The following PMFBP1 variants were observed in gnomAD, a reference collection of about 807,000 sequenced individuals.
PMFBP1 encodes the protein polyamine-modulated factor 1-binding protein 1.
A neutral mutation model predicts 137.8 loss-of-function variants in PMFBP1; 131 were observed. The observed-to-expected ratio is 0.95, with a 90% CI of 0.82 to 1.10. The LOEUF (loss-of-function observed/expected upper bound fraction) is 1.10. Among genes scored for constraint, PMFBP1 ranks in the 50% least tolerant of loss-of-function variants. The pLI is 0.00. For synonymous variants in PMFBP1, 490 were observed against 450.4 expected (o/e 1.09, Z -1.11); for missense variants, 1,199 against 1,175.4 (o/e 1.02, Z -0.29).
chr16:72,128,974 G>T, intron 13 of PMFBP1, 92 bp downstream of exon 13: 1 of 1,530,412 alleles, frequency 6.5e-7, no homozygotes, highest in East Asian at 2.2e-5. Flanking sequence ...TAAGCTCTGA[G>T]CATCCAGGGC....
the PMFBP1 span, among the ~76,000 whole-genome samples, chr16:72,197,369 CAAG>C: frequency 1.3e-5 from 2 of 152,184 alleles, no homozygotes; most frequent in Non-Finnish European, 2.9e-5. Context: ...CATGCATGGT[CAAG>C]AAATAATGCT....
intron 9 of PMFBP1, among the ~76,000 whole-genome samples, chr16:72,135,359 G>GTTTT (rs869071984): frequency 3.0e-4 from 39 of 131,414 alleles, no homozygotes; most frequent in Non-Finnish European, 5.8e-4. Flanking sequence ...GTGTGTGTGT[G>GTTTT]TTTTTTTTTT....
chr16:72,121,641 T>A (rs1356359162), intron 19 of PMFBP1, among the ~76,000 whole-genome samples: 2 of 152,216 alleles, frequency 1.3e-5, no homozygotes, highest in Admixed American at 1.3e-4. Flanking sequence ...CATCGTTTTT[T>A]AGAGACAGGG....
chr16:72,138,936 G>C (rs532523246), intron 7 of PMFBP1, among the ~76,000 whole-genome samples: 2 of 151,972 alleles, frequency 1.3e-5, no homozygotes, highest in Non-Finnish European at 2.9e-5. Context: ...AAAGCAGGGG[G>C]AATAAATTTG....
chr16:72,149,354 C>T (rs1160150365), intron 5 of PMFBP1, among the ~76,000 whole-genome samples: 1 of 152,098 alleles, frequency 6.6e-6, no homozygotes, highest in Non-Finnish European at 1.5e-5. Context: ...TTAGAAGTAT[C>T]TTTAAACAAT....
At chr16:72,149,843 C>T (rs1388482314) in intron 5 of PMFBP1, among the ~76,000 whole-genome samples, 2 of 152,092 alleles carry the variant, frequency 1.3e-5, no homozygotes, top group Non-Finnish European at 2.9e-5. Flanking sequence ...TTGATAACCA[C>T]TTAGGTAAAA....
intron 19 of PMFBP1, among the ~76,000 whole-genome samples, chr16:72,121,896 C>T (rs217174): frequency 1 from 152,343 of 152,346 alleles, 76,170 homozygotes; most frequent in Middle Eastern, 1. Flanking sequence ...TTCTTTTTCA[C>T]TTTTATTTTA....
chr16:72,162,691 A>AG (rs2043082423), intron 3 of PMFBP1, among the ~76,000 whole-genome samples: 1 of 152,250 alleles, frequency 6.6e-6, no homozygotes, highest in Non-Finnish European at 1.5e-5. Flanking sequence ...CTCGCTTTAA[A>AG]GCTTGTTTCA....
At chr16:72,125,549 G>T in intron 15 of PMFBP1, 144 bp from the exon 16 acceptor site, 1 of 952,488 alleles carries the variant, frequency 1.0e-6, no homozygotes, top group Non-Finnish European at 1.6e-6. Context: ...TCCCAGAGAG[G>T]GGTGGGAAAT....
chr16:72,219,398 G>T, the PMFBP1 span, among the ~76,000 whole-genome samples: 1 of 152,150 alleles, frequency 6.6e-6, no homozygotes, highest in African/African-American at 2.4e-5. Context: ...AAGCAGGACG[G>T]CAGGGATGGG....
chr16:72,200,240 C>T, the PMFBP1 span, among the ~76,000 whole-genome samples: 1 of 152,242 alleles, frequency 6.6e-6, no homozygotes, highest in African/African-American at 2.4e-5. Context: ...AGCGCAAGCT[C>T]CCTCTGGCTA....
upstream of PMFBP1, chr16:72,172,249 T>C (rs557640307): frequency 6.6e-6 from 1 of 152,108 alleles, no homozygotes; most frequent in East Asian, 1.9e-4. Context: ...AGGTGCATCA[T>C]GGAAATGGAG....
the PMFBP1 span, among the ~76,000 whole-genome samples, chr16:72,213,129 A>G: frequency 6.6e-6 from 1 of 151,060 alleles, no homozygotes; most frequent in Non-Finnish European, 1.5e-5. Flanking sequence ...GGAAACAGAC[A>G]TCAACTTAAG....
chr16:72,124,652 T>G lies in PMFBP1; in HGVS notation c.2589+115A>C, dbSNP rs1327979200. ...TTTGTGCTAAATGGAGGGGGTGACC[T>G]TTCCTTTGCTCCCAGGCTCTCCCAC... On this transcript the variant is annotated intron_variant, in intron 17 of 20. Transcript: ENST00000237353. 2.3e-6 allele frequency: 3 copies of G among 1,306,296 alleles called. No homozygotes were observed. The African/African-American group carries it at 4.4e-5, about 19-fold the overall frequency. 80.9% of individuals were successfully genotyped at this position (1,306,296 alleles called of 1,614,324 possible).
chr16:72,136,517 C>G lies in PMFBP1; in HGVS notation c.1134G>C (p.Leu378=), dbSNP rs138536376. The G allele has an allele frequency of 5.6e-6, 9 of 1,613,904 alleles. No homozygotes were observed. The highest frequency in any genetic ancestry group is 7.6e-6 in the Non-Finnish European group (9 of 1,179,992). The change falls in exon 9 of 21, where the codon CTG becomes CTC. Residue 378 remains leucine, a synonymous_variant. Transcript: ENST00000237353. ...IERKDKDITI[L]QCRLQELQLE... The stretch of plus-strand genomic sequence containing the variant: ...GCTGCAGCTCCTGCAGCCGGCACTG[C>G]AGGATGGTGATGTCCTTATCCTTCC...
intron 18 of PMFBP1, 149 bp from the exon 19 acceptor site, chr16:72,123,137 C>G: frequency 1.5e-6 from 1 of 681,352 alleles, no homozygotes; most frequent in Non-Finnish European, 2.5e-6. Flanking sequence ...AGAGCTAAGG[C>G]CTTCCTAGCA....
At chr16:72,222,168 T>C in the PMFBP1 span, among the ~76,000 whole-genome samples, 1 of 152,170 alleles carries the variant, frequency 6.6e-6, no homozygotes, top group Admixed American at 6.5e-5. Flanking sequence ...AGTCTGGATC[T>C]TGCTATGTTG....
At chr16:72,163,837 C>T (rs1056758099) in intron 3 of PMFBP1, among the ~76,000 whole-genome samples, 3 of 150,526 alleles carry the variant, frequency 2.0e-5, no homozygotes, top group Admixed American at 1.3e-4. Context: ...AACCAAACAT[C>T]ATATGTTCTT....
chr16:72,142,293 T>C (rs974216582), intron 5 of PMFBP1, among the ~76,000 whole-genome samples: 3 of 152,056 alleles, frequency 2.0e-5, no homozygotes, highest in Non-Finnish European at 4.4e-5. Context: ...CTTAATACTA[T>C]GGGATGAAAA....
Sources: gnomAD v4.1 joint callset for allele counts (sites outside exome capture counted in the v4.1 genomes callset) on GRCh38, gnomAD v4.1.1 for gene constraint, MANE v1.5 for transcripts, NCBI Gene and HGNC (gene_info 2026-07-23, HGNC 2026-07-21) for gene names.